Variants in SUMO3 observed in about 807,000 individuals in gnomAD.
SUMO3 encodes the protein small ubiquitin-related modifier 3.
A neutral mutation model predicts 11.1 loss-of-function variants in SUMO3; 2 were observed. That is an observed-to-expected ratio of 0.18 (90% CI 0.07 to 0.57). The LOEUF is 0.57. Ranked by LOEUF, SUMO3 falls within the 20% of genes least tolerant of loss-of-function variation. The pLI, the probability that SUMO3 is intolerant of heterozygous loss-of-function variation, is 0.92. For missense variants in SUMO3, 70 were observed against 132.8 expected, an observed-to-expected ratio of 0.53 and a Z score of 2.32; for synonymous variants, 56 against 53.5, an observed-to-expected ratio of 1.05 and a Z score of -0.20.
intron 1 of SUMO3, among the ~76,000 whole-genome samples, chr21:44,814,949 G>A (rs897060093): frequency 2.0e-5 from 3 of 152,200 alleles, no homozygotes; most frequent in African/African-American, 4.8e-5. Context: ...AGCCAACTTC[G>A]GGGCAGCTCA....
rs1369464217 is a variant in SUMO3, at chr21:44,810,896, C to T, written c.151-1778G>A. Among the ~76,000 whole-genome samples, 1 of 151,968 alleles carries T rather than the reference C, an allele frequency of 6.6e-6. No homozygotes were observed. Among genetic ancestry groups the T allele is most frequent in the African/African-American group, 2.4e-5 (1 of 41,362 alleles). ...CAGGAAGGAGGCAGGAGAACACTCCCAACACAGGCACACACATGCCCACAC... is the reference window on the plus strand; with the variant it reads ...CAGGAAGGAGGCAGGAGAACACTCCTAACACAGGCACACACATGCCCACAC... On this transcript the variant is annotated intron_variant, in intron 2 of 3. Coordinates refer to ENST00000332859, the MANE Select transcript of SUMO3 (RefSeq NM_006936.3). The surrounding 1 kb of genome is among the most constrained non-coding windows in gnomAD (Gnocchi z 4.1).
intron 3 of SUMO3, chr21:44,808,219 A>C (rs1346151662): frequency 9.5e-6 from 2 of 209,818 alleles, no homozygotes; most frequent in Non-Finnish European, 1.9e-5. Flanking sequence ...GTTTAAAAAA[A>C]AACTCTGTTT....
At chr21:44,814,176 T>C (rs933476908) in intron 1 of SUMO3, 72 bp from the exon 2 acceptor site, 7 of 1,570,764 alleles carry the variant, frequency 4.5e-6, no homozygotes, top group Non-Finnish European at 6.1e-6. Context: ...GGCAAGTCTT[T>C]AGGTAATTGT....
At chr21:44,814,715 G>A (rs955270097) in intron 1 of SUMO3, among the ~76,000 whole-genome samples, 2 of 152,206 alleles carry the variant, frequency 1.3e-5, no homozygotes, top group African/African-American at 4.8e-5. Context: ...CACAGCAGGC[G>A]GCCAGGCTCC....
chr21:44,817,862 G>GTCTCCAA (rs1486185182), intron 1 of SUMO3, 86 bp downstream of exon 1: 3 of 188 alleles, frequency 0.016, no homozygotes, highest in Non-Finnish European at 0.018. Flanking sequence ...GGCGGGACGC[G>GTCTCCAA]GGGCGGAGTC....
In SUMO3 at chr21:44,807,429, T is replaced by C. The variant is rs1358473451; in HGVS notation, c.223-389A>G. On this transcript the variant is annotated intron_variant, in intron 3 of 3. Coordinates refer to ENST00000332859, the MANE Select transcript of SUMO3 (RefSeq NM_006936.3). The surrounding 1 kb of genome is among the most constrained non-coding windows in gnomAD (Gnocchi z 4.3). Reference sequence around the variant, plus strand: ...TGAGTCCTAGGACCCACAGGAGCCTTGCGCTTTATACCAAGTGCGGGGGAC... The same window carrying C: ...TGAGTCCTAGGACCCACAGGAGCCTCGCGCTTTATACCAAGTGCGGGGGAC... Among the ~76,000 whole-genome samples, 1 of 152,192 alleles carries C rather than the reference T, an allele frequency of 6.6e-6. No homozygotes were observed. The highest frequency in any genetic ancestry group is 1.5e-5 in the Non-Finnish European group (1 of 68,034).
chr21:44,810,209 C>G lies in SUMO3; in HGVS notation c.151-1091G>C, dbSNP rs1306081142. 1.3e-5 allele frequency among the ~76,000 whole-genome samples: 2 copies of G among 152,130 alleles called. No individual in the cohort carries two copies. Among genetic ancestry groups the G allele is most frequent in the Non-Finnish European group, 2.9e-5 (2 of 68,032 alleles). Reference sequence around the variant, plus strand: ...GTGCATCTCTGCTCCCTCCTGAAACCCCACTGAAATGAAGTAAATGAAAAA... The same window carrying G: ...GTGCATCTCTGCTCCCTCCTGAAACGCCACTGAAATGAAGTAAATGAAAAA... On this transcript the variant is annotated intron_variant, in intron 2 of 3. Transcript: ENST00000332859. This position sits in a 1 kb window ranked among gnomAD's most constrained non-coding sequence, Gnocchi z 4.1.
rs2083180467 is a variant in SUMO3 at position 44,806,850 on chromosome 21, T to C, written c.*101A>G. 2.0e-6 allele frequency: 3 copies of C among 1,530,280 alleles called. No individual in the cohort carries two copies. Among genetic ancestry groups the C allele is most frequent in the African/African-American group, 2.8e-5 (2 of 72,620 alleles). The allele number at this position is 1,530,280 out of a possible 1,614,324, so 94.8% of individuals were successfully genotyped here. A position where few individuals can be genotyped will look rare whatever the true frequency, so the allele number is the denominator to read the frequency against. ...AAGAGAGGAAAATCATCGTGGTGAA[T>C]GTCCTCGAGTTTCCGCAGACACCTT... On this transcript the variant is annotated 3_prime_UTR_variant, in exon 4 of 4. Transcript: ENST00000332859.
intron 2 of SUMO3, chr21:44,813,425 C>CT: frequency 1.5e-5 from 3 of 199,266 alleles, no homozygotes; most frequent in South Asian, 1.0e-4. Context: ...CAGAAGGCAT[C>CT]CACCCAGCTG....
chr21:44,807,076 A>T lies in SUMO3; in HGVS notation c.223-36T>A. 6.2e-7 allele frequency: 1 copy of T among 1,607,844 alleles called. No individual in the cohort carries two copies. The highest frequency in any genetic ancestry group is 1.1e-5 in the South Asian group (1 of 90,808). ...TGTCACAACAGGCACAGCGAGAGAG[A>T]GGGGAGCCTGTTAGTTTTCATCAGA... On this transcript the variant is annotated intron_variant, in intron 3 of 3. Coordinates refer to ENST00000332859, the MANE Select transcript of SUMO3 (RefSeq NM_006936.3). This position sits in a 1 kb window ranked among gnomAD's most constrained non-coding sequence, Gnocchi z 4.3.
rs201757654 is a variant in SUMO3 at position 44,811,142 on chromosome 21, C to T, written c.151-2024G>A. ...CCCACATATACACACAGGCACACAC[C>T]CACACATACACACACAGGCACACAC... On this transcript the variant is annotated intron_variant, in intron 2 of 3. Transcript: ENST00000332859. The surrounding 1 kb of genome is among the most constrained non-coding windows in gnomAD (Gnocchi z 5.0). Among the ~76,000 whole-genome samples the T allele has an allele frequency of 6.8e-6, 1 of 147,564 alleles. No individual in the cohort carries two copies. The highest frequency in any genetic ancestry group is 1.5e-5 in the Non-Finnish European group (1 of 66,444).
intron 3 of SUMO3, chr21:44,808,499 A>C: frequency 6.9e-7 from 1 of 1,447,614 alleles, no homozygotes; most frequent in Non-Finnish European, 9.1e-7. Context: ...TGGGCAACAA[A>C]GCGAGACTCC....
intron 2 of SUMO3, among the ~76,000 whole-genome samples, chr21:44,812,781 C>T (rs1353565205): frequency 6.6e-6 from 1 of 152,210 alleles, no homozygotes; most frequent in Non-Finnish European, 1.5e-5. Context: ...TGTACACGGC[C>T]CCACACGCCT....
At chr21:44,812,652 AAGGATTTGAAC>A (rs2083219389) in intron 2 of SUMO3, among the ~76,000 whole-genome samples, 2 of 152,230 alleles carry the variant, frequency 1.3e-5, no homozygotes, top group South Asian at 4.1e-4. Context: ...AAGTTTCTAG[AAGGATTTGAAC>A]AGGAGGCCCT....
intron 2 of SUMO3, among the ~76,000 whole-genome samples, chr21:44,809,587 C>CCAAA (rs1270810038): frequency 6.6e-6 from 1 of 152,236 alleles, no homozygotes; most frequent in African/African-American, 2.4e-5. Context: ...AGACTAACAT[C>CCAAA]CAAACTCATG....
intron 1 of SUMO3, among the ~76,000 whole-genome samples, chr21:44,816,909 GGGGT>G (rs2083247423): frequency 7.0e-6 from 1 of 143,294 alleles, no homozygotes; most frequent in South Asian, 2.3e-4. Flanking sequence ...GTGATGGGGA[GGGGT>G]GGGCGCACAT....
rs769253131 is a variant in SUMO3 at position 44,809,042 on chromosome 21, C to T, written c.222+5G>A. On this transcript the variant is annotated splice_donor_5th_base_variant and intron_variant, in intron 3 of 3. Coordinates refer to ENST00000332859, the MANE Select transcript of SUMO3 (RefSeq NM_006936.3). ...CCCTGGAACCACGCGAAGCCAGCTC[C>T]GTACCTGTGCTGGAGTGTCAGTTTC... is the stretch of plus-strand genomic sequence containing the variant. 3.5e-5 allele frequency: 56 copies of T among 1,613,092 alleles called. No homozygotes were observed. Among genetic ancestry groups the T allele is most frequent in the Admixed American group, 5.0e-5 (3 of 59,998 alleles).
At chr21:44,808,915 T>G (rs1417822127) in intron 3 of SUMO3, 132 bp downstream of exon 3, 2 of 745,544 alleles carry the variant, frequency 2.7e-6, no homozygotes, top group Admixed American at 2.5e-5. Context: ...AAATAAATAA[T>G]CTAATAATCA....
Position 44,809,038 on chromosome 21 carries a change from G to A in SUMO3, c.222+9C>T. ...GTCGCCCTGGAACCACGCGAAGCCA[G>A]CTCCGTACCTGTGCTGGAGTGTCAG... On this transcript the variant is annotated intron_variant, in intron 3 of 3. Transcript: ENST00000332859. The A allele has an allele frequency of 6.2e-7, 1 of 1,613,810 alleles. No individual in the cohort carries two copies. The highest frequency in any genetic ancestry group is 8.5e-7 in the Non-Finnish European group (1 of 1,179,660).
Sources: allele counts gnomAD v4.1 joint callset (sites outside exome capture counted in the v4.1 genomes callset), GRCh38; gene constraint gnomAD v4.1.1; non-coding constraint Gnocchi (gnomAD v3.1); transcripts MANE v1.5; gene names NCBI Gene and HGNC (gene_info 2026-07-23, HGNC 2026-07-21).